Variants in ADAMTS19 observed in about 807,000 individuals in gnomAD.
The protein encoded by ADAMTS19 is A disintegrin and metalloproteinase with thrombospondin motifs 19.
ADAMTS19 carries 93 observed loss-of-function variants against 153.3 expected under a neutral mutation model. The observed-to-expected ratio is 0.61, with a 90% CI of 0.51 to 0.72. The LOEUF is 0.72. Ranked by LOEUF, ADAMTS19 falls within the 30% of genes least tolerant of loss-of-function variation. The pLI is 0.00. For missense variants in ADAMTS19, 1,482 were observed against 1,552.1 expected (o/e 0.95, Z 0.76); for synonymous variants, 600 against 556.6 (o/e 1.08, Z -1.10).
chr5:129,719,355 G>A (rs867271562), intron 21 of ADAMTS19, among the ~76,000 whole-genome samples: 2 of 152,000 alleles, frequency 1.3e-5, no homozygotes, highest in Non-Finnish European at 2.9e-5. Flanking sequence ...TATTTATACC[G>A]TAATCTCCCA....
intron 3 of ADAMTS19, among the ~76,000 whole-genome samples, chr5:129,516,241 G>GT (rs1328927849): frequency 2.0e-4 from 28 of 137,184 alleles, no homozygotes; most frequent in Non-Finnish European, 2.2e-4. Context: ...TTAGCCTGTA[G>GT]TTTTTTTTTT....
chr5:129,717,031 T>G (rs1756761712), intron 21 of ADAMTS19, among the ~76,000 whole-genome samples: 1 of 152,222 alleles, frequency 6.6e-6, no homozygotes, highest in South Asian at 2.1e-4. Context: ...TACAATTTGT[T>G]TCTTCCAACA....
intron 2 of ADAMTS19, among the ~76,000 whole-genome samples, chr5:129,497,606 A>G (rs573052057): frequency 1.3e-5 from 2 of 152,234 alleles, no homozygotes; most frequent in South Asian, 4.1e-4. Flanking sequence ...TCTCAATTAC[A>G]GGCAGCTGTC....
chr5:129,704,086 G>A (rs1318774879), intron 20 of ADAMTS19, among the ~76,000 whole-genome samples, 153 bp from the exon 21 acceptor site: 1 of 152,106 alleles, frequency 6.6e-6, no homozygotes, highest in Admixed American at 6.5e-5. Flanking sequence ...TGCTTAGCCT[G>A]TTGTTACCTT....
chr5:129,662,313 T>A (rs1018291232), intron 15 of ADAMTS19, among the ~76,000 whole-genome samples: 4 of 152,212 alleles, frequency 2.6e-5, no homozygotes, highest in Non-Finnish European at 5.9e-5. Flanking sequence ...GATATTGACT[T>A]CACTGGCTTC....
At chr5:129,581,537 T>C (rs1749514743) in intron 7 of ADAMTS19, among the ~76,000 whole-genome samples, 1 of 151,752 alleles carries the variant, frequency 6.6e-6, no homozygotes, top group Non-Finnish European at 1.5e-5. Flanking sequence ...TTTGATAATC[T>C]TTTAAAAAAA....
At chr5:129,472,297 C>T (rs1312857037) in intron 2 of ADAMTS19, among the ~76,000 whole-genome samples, 1 of 152,172 alleles carries the variant, frequency 6.6e-6, no homozygotes, top group African/African-American at 2.4e-5. Context: ...TGAGGGCAGC[C>T]ACTCCAGTGG....
intron 8 of ADAMTS19, 86 bp from the exon 9 acceptor site, chr5:129,620,532 A>G: frequency 3.0e-6 from 3 of 989,442 alleles, no homozygotes; most frequent in Non-Finnish European, 4.0e-6. Context: ...TAAGTATTTT[A>G]ACCGTTATTT....
Position 129,647,850 on chromosome 5 carries a change from G to T in ADAMTS19, c.1958G>T (p.Arg653Leu). The change falls in exon 12 of 23, where the codon CGA (arginine) becomes CTA (leucine). Residue 653 changes from arginine (R) to leucine (L), a missense_variant. Physicochemically the swap from Arg to Leu is moderately radical, Grantham distance 102 (BLOSUM62 -2). Transcript: ENST00000274487. ...TGGAGCCTGTGGAGTCCTTGTAGCC[G>T]AACCTGCAGTGCTGGGATCAGCAGT... is the stretch of plus-strand genomic sequence containing the variant. ...GEWSLWSPCS[R>L]TCSAGISSRE... 1 of 1,614,032 alleles carries T rather than the reference G, an allele frequency of 6.2e-7. No individual in the cohort carries two copies. The highest frequency in any genetic ancestry group is 8.5e-7 in the Non-Finnish European group (1 of 1,179,936).
chr5:129,724,983 T>C (rs1358627131), intron 21 of ADAMTS19, among the ~76,000 whole-genome samples: 2 of 152,114 alleles, frequency 1.3e-5, no homozygotes, highest in Non-Finnish European at 2.9e-5. Context: ...CTTTTCCTAT[T>C]GGCACAGTTG....
In ADAMTS19 at chr5:129,522,316, TAC is replaced by T. The variant is rs1186259435; in HGVS notation, c.914-3952_914-3951del. Among the ~76,000 whole-genome samples the T allele has an allele frequency of 1.1e-3, 98 of 91,912 alleles. 1 individual carries two copies. The highest frequency in any genetic ancestry group is 2.1e-3 in the Admixed American group (17 of 8,286). The allele number at this position is 91,912 out of a possible 152,430, so 60.3% of individuals were successfully genotyped here. On this transcript the variant is annotated intron_variant, in intron 3 of 22. Coordinates refer to ENST00000274487, the MANE Select transcript of ADAMTS19 (RefSeq NM_133638.6). ...GTGTGTGTGTATATATATATATATA[TAC>T]ACACACACACACACATATATATATA... is the stretch of plus-strand genomic sequence containing the variant.
intron 6 of ADAMTS19, among the ~76,000 whole-genome samples, chr5:129,548,369 T>C (rs1319820149): frequency 2.8e-5 from 4 of 143,304 alleles, no homozygotes; most frequent in African/African-American, 1.1e-4. Context: ...GGGTGAAGGA[T>C]ATGAACAGAC....
At chr5:129,535,870 T>C (rs1321662317) in intron 6 of ADAMTS19, among the ~76,000 whole-genome samples, 1 of 152,152 alleles carries the variant, frequency 6.6e-6, no homozygotes, top group African/African-American at 2.4e-5. Context: ...TGTAGAAAGC[T>C]GAAACTGGAT....
chr5:129,700,381 T>C (rs1170957100), intron 19 of ADAMTS19, among the ~76,000 whole-genome samples: 2 of 152,142 alleles, frequency 1.3e-5, no homozygotes, highest in African/African-American at 4.8e-5. Flanking sequence ...TAAAGAAGCA[T>C]GTGTAGCTCC....
rs554771799 is a variant in ADAMTS19, at chr5:129,650,517, C to T, written c.2176+1547C>T. ...GGAAATATAGCAGCCACCAGATTAC[C>T]TCCTTATTTTCTGCTATCAAGACAC... On this transcript the variant is annotated intron_variant, in intron 13 of 22. Transcript: ENST00000274487. 1.1e-4 allele frequency among the ~76,000 whole-genome samples: 16 copies of T among 152,174 alleles called. 1 individual carries two copies. The South Asian group carries it at 2.7e-3, about 26-fold the overall frequency.
intron 8 of ADAMTS19, among the ~76,000 whole-genome samples, chr5:129,601,542 C>T (rs1490393682): frequency 2.0e-5 from 3 of 152,086 alleles, no homozygotes; most frequent in African/African-American, 7.2e-5. Context: ...GCTAGCATAA[C>T]TCAGAAAACT....
At chr5:129,519,925 G>T (rs777535980) in intron 3 of ADAMTS19, among the ~76,000 whole-genome samples, 1 of 151,972 alleles carries the variant, frequency 6.6e-6, no homozygotes, top group Non-Finnish European at 1.5e-5. Flanking sequence ...TCAGCTAGGC[G>T]CACAACAACC....
chr5:129,468,498 C>T (rs1225819453), intron 2 of ADAMTS19, among the ~76,000 whole-genome samples: 5 of 151,426 alleles, frequency 3.3e-5, no homozygotes, highest in South Asian at 4.2e-4. Context: ...GGACTACAGG[C>T]GCGCACCACC....
rs150264033 is a variant in ADAMTS19 at position 129,601,308 on chromosome 5, G to A, written c.1478+4644G>A. Reference sequence around the variant, plus strand: ...TGATGAAGTCTAAAACTTTATTTTTGTGAATGAAAATACTTAGTTTTTCAT... The same window carrying A: ...TGATGAAGTCTAAAACTTTATTTTTATGAATGAAAATACTTAGTTTTTCAT... On this transcript the variant is annotated intron_variant, in intron 8 of 22. Transcript: ENST00000274487. 2.0e-4 allele frequency among the ~76,000 whole-genome samples: 30 copies of A among 152,214 alleles called. 2 individuals carry two copies. Among genetic ancestry groups the A allele is most frequent in the African/African-American group, 6.5e-4 (27 of 41,542 alleles).
Sources: allele counts gnomAD v4.1 joint callset (sites outside exome capture counted in the v4.1 genomes callset), GRCh38; gene constraint gnomAD v4.1.1; transcripts MANE v1.5; gene names NCBI Gene and HGNC (gene_info 2026-07-23, HGNC 2026-07-21).